ACYP2: variants seen among roughly 807,000 people sequenced by gnomAD.
The protein encoded by ACYP2 is acylphosphatase 2, also known as acylphosphatase-2.
ACYP2 carries 12 observed loss-of-function variants against 11.2 expected under a neutral mutation model. That is an observed-to-expected ratio of 1.08 (90% confidence interval 0.69 to 1.74). The LOEUF (loss-of-function observed/expected upper bound fraction) is 1.74. ACYP2 is among the 40% of genes most tolerant of loss of function. The pLI, the probability that ACYP2 is intolerant of heterozygous loss-of-function variation, is 0.00. For missense variants in ACYP2, 134 were observed against 101.9 expected (o/e 1.31, Z -1.35); for synonymous variants, 43 against 32.2 (o/e 1.33, Z -1.13).
At chr2:54,207,212 G>C (rs552363139) in intron 6 of ACYP2, among the ~76,000 whole-genome samples, 1 of 67,900 alleles carries the variant, frequency 1.5e-5, no homozygotes, top group South Asian at 6.0e-4. Context: ...TGTGTATAAA[G>C]AGAATGTGAG....
chr2:54,126,226 G>C (rs1199335623), intron 4 of ACYP2, among the ~76,000 whole-genome samples: 1 of 152,216 alleles, frequency 6.6e-6, no homozygotes, highest in Non-Finnish European at 1.5e-5. Context: ...GAGGTGTACT[G>C]ATGACAGTCA....
intron 2 of ACYP2, among the ~76,000 whole-genome samples, chr2:54,034,264 A>G (rs573264838): frequency 1.7e-4 from 26 of 152,300 alleles, no homozygotes; most frequent in Non-Finnish European, 3.7e-4. Flanking sequence ...AGGCTGAGGC[A>G]GGAGAATTGC....
chr2:54,203,412 A>G (rs1436833549), intron 6 of ACYP2, among the ~76,000 whole-genome samples: 2 of 148,540 alleles, frequency 1.3e-5, no homozygotes, highest in African/African-American at 5.3e-5. Context: ...ATATGCAAAT[A>G]GAGATAGTTT....
chr2:54,257,241 A>T (rs1361094582), intron 6 of ACYP2, among the ~76,000 whole-genome samples: 2 of 152,202 alleles, frequency 1.3e-5, no homozygotes, highest in African/African-American at 4.8e-5. Context: ...GAGGAATCTT[A>T]TCTCACCAAG....
At chr2:54,056,181 A>AC (rs1158366046) in intron 3 of ACYP2, among the ~76,000 whole-genome samples, 1 of 152,218 alleles carries the variant, frequency 6.6e-6, no homozygotes, top group Non-Finnish European at 1.5e-5. Context: ...CATGAGTGGA[A>AC]CCAGGCACTG....
At chr2:54,191,189 C>T (rs543537207) in intron 6 of ACYP2, among the ~76,000 whole-genome samples, 389 of 152,210 alleles carry the variant, frequency 2.6e-3, no homozygotes, top group Non-Finnish European at 3.8e-3. Flanking sequence ...CCACCCTAAC[C>T]CCCTTTCACT....
At chr2:54,048,443 T>A (rs1051940986) in intron 2 of ACYP2, among the ~76,000 whole-genome samples, 2 of 151,978 alleles carry the variant, frequency 1.3e-5, no homozygotes, top group African/African-American at 4.8e-5. Context: ...GAAAAAAAAA[T>A]TAACCATGTG....
rs58940352 is a variant in ACYP2 at position 54,043,072 on chromosome 2, GGTGT to G, written c.63-7863_63-7860del. On this transcript the variant is annotated intron_variant, in intron 2 of 6. Coordinates refer to ENST00000607452, the MANE Select transcript of ACYP2 (RefSeq NM_001320586.2). ...CTTGGTTAATATGGGGTGTGTGTGG[GGTGT>G]GTGTGTGTGTGTGTGTGTGTGTCTG... is the stretch of plus-strand genomic sequence containing the variant. Among the ~76,000 whole-genome samples the G allele has an allele frequency of 7.9e-4, 118 of 148,962 alleles. 2 individuals are homozygous for G. The highest frequency in any genetic ancestry group is 3.5e-3 in the Middle Eastern group (1 of 288).
intron 6 of ACYP2, among the ~76,000 whole-genome samples, chr2:54,168,676 A>G (rs1038072883): frequency 1.3e-5 from 2 of 152,334 alleles, no homozygotes; most frequent in Admixed American, 1.3e-4. Flanking sequence ...TATAGTAATC[A>G]TTGAATTAAA....
At chr2:54,255,297 G>A in intron 6 of ACYP2, 6 of 1,614,200 alleles carry the variant, frequency 3.7e-6, no homozygotes, top group Non-Finnish European at 5.1e-6. Flanking sequence ...TAGGGTGTCT[G>A]AGCTCCTTCA....
chr2:54,229,575 G>A (rs1188515427), intron 6 of ACYP2, among the ~76,000 whole-genome samples: 1 of 152,080 alleles, frequency 6.6e-6, no homozygotes, highest in Non-Finnish European at 1.5e-5. Context: ...AGAGTAGTTT[G>A]AATAGTTTTC....
At chr2:54,057,874 A>C (rs1354052848) in intron 4 of ACYP2, among the ~76,000 whole-genome samples, 3 of 152,226 alleles carry the variant, frequency 2.0e-5, no homozygotes, top group African/African-American at 7.2e-5. Context: ...GAGCAGAGGA[A>C]GAGAGGCTTT....
chr2:54,021,920 A>G (rs1334673904), intron 2 of ACYP2, among the ~76,000 whole-genome samples: 1 of 152,166 alleles, frequency 6.6e-6, no homozygotes, highest in Non-Finnish European at 1.5e-5. Context: ...GCACATTTTA[A>G]GTGCTCGGGC....
chr2:54,072,996 AG>A (rs1677146342), intron 4 of ACYP2, among the ~76,000 whole-genome samples: 1 of 152,238 alleles, frequency 6.6e-6, no homozygotes, highest in Non-Finnish European at 1.5e-5. Context: ...CTTACTACAA[AG>A]GTACATTAAT....
At chr2:54,299,113 G>C (rs1287202345) in intron 6 of ACYP2, among the ~76,000 whole-genome samples, 1 of 152,176 alleles carries the variant, frequency 6.6e-6, no homozygotes, top group East Asian at 1.9e-4. Flanking sequence ...CAGGGATTCA[G>C]TGAAAGTTAA....
At position 54,230,378 on chromosome 2, in the gene ACYP2, C is replaced by T. The variant is rs796897366; in HGVS notation, c.405-74310C>T. 8.5e-5 allele frequency among the ~76,000 whole-genome samples: 13 copies of T among 152,156 alleles called. 1 individual carries two copies. The highest frequency in any genetic ancestry group is 2.6e-4 in the African/African-American group (11 of 41,514). Reference sequence around the variant, plus strand: ...TGTTTCGTTTTTTGTTTTTTTGAGACGGAGTTTTGCTCTTGTTGCCCAAGC... The same window carrying T: ...TGTTTCGTTTTTTGTTTTTTTGAGATGGAGTTTTGCTCTTGTTGCCCAAGC... On this transcript the variant is annotated intron_variant, in intron 6 of 6. Transcript: ENST00000607452.
chr2:53,985,364 G>T (rs1381479947), intron 2 of ACYP2, among the ~76,000 whole-genome samples: 1 of 152,074 alleles, frequency 6.6e-6, no homozygotes, highest in Non-Finnish European at 1.5e-5. Context: ...GCTGCACCTG[G>T]CCAGGATTTA....
chr2:54,000,957 C>T (rs1672767300), intron 2 of ACYP2, among the ~76,000 whole-genome samples: 1 of 152,170 alleles, frequency 6.6e-6, no homozygotes, highest in South Asian at 2.1e-4. Context: ...CAATTTTAGT[C>T]CTTGGCCACA....
intron 6 of ACYP2, among the ~76,000 whole-genome samples, chr2:54,163,124 C>T (rs1682798608): frequency 6.6e-6 from 1 of 152,200 alleles, no homozygotes; most frequent in South Asian, 2.1e-4. Flanking sequence ...TATTCTGCCT[C>T]TAACAAACTC....
Sources: gnomAD v4.1 joint callset for allele counts (sites outside exome capture counted in the v4.1 genomes callset) on GRCh38, gnomAD v4.1.1 for gene constraint, MANE v1.5 for transcripts, NCBI Gene and HGNC (gene_info 2026-07-23, HGNC 2026-07-21) for gene names.